The following MAP3K1 variants were observed in gnomAD, a reference collection of about 807,000 sequenced individuals.
MAP3K1 encodes MAP/ERK kinase kinase 1.
In MAP3K1, 36 loss-of-function variants were observed where a neutral mutation model predicts 144.2. That is an observed-to-expected ratio of 0.25 (90% confidence interval 0.19 to 0.33). The LOEUF (loss-of-function observed/expected upper bound fraction) is 0.33. Among genes scored for constraint, MAP3K1 ranks in the 10% least tolerant of loss-of-function variants. The pLI is 1.00. For missense variants in MAP3K1, 1,650 were observed against 1,881.9 expected (o/e 0.88, Z 2.28); for synonymous variants, 718 against 688.7 (o/e 1.04, Z -0.67).
chr5:56,831,603 T>A (rs1042576972), intron 1 of MAP3K1, among the ~76,000 whole-genome samples: 1 of 152,264 alleles, frequency 6.6e-6, no homozygotes, highest in African/African-American at 2.4e-5. Context: ...ATATCCAGAA[T>A]CATTTCCTTT....
chr5:56,826,792 T>G (rs1215466838), intron 1 of MAP3K1, among the ~76,000 whole-genome samples: 1 of 152,228 alleles, frequency 6.6e-6, no homozygotes, highest in African/African-American at 2.4e-5. Flanking sequence ...GCATGTGTCT[T>G]CAGTCCTGCT....
At chr5:56,820,656 A>G in intron 1 of MAP3K1, 1 of 985,360 alleles carries the variant, frequency 1.0e-6, no homozygotes, top group Non-Finnish European at 1.2e-6. Flanking sequence ...AATATGGTTC[A>G]TTCATGGTAA....
intron 11 of MAP3K1, 24 bp from the exon 12 acceptor site, chr5:56,880,687 A>G: frequency 1.3e-6 from 2 of 1,529,178 alleles, no homozygotes; most frequent in Non-Finnish European, 1.8e-6. Context: ...TCCAGGATTG[A>G]TGTTGCTTTT....
At chr5:56,887,925 G>T in intron 18 of MAP3K1, 1 of 461,246 alleles carries the variant, frequency 2.2e-6, no homozygotes, top group Non-Finnish European at 3.9e-6. Flanking sequence ...TTCTTCTGTC[G>T]TGTTCATAAT....
At chr5:56,850,829 C>T (rs1346771849) in intron 1 of MAP3K1, among the ~76,000 whole-genome samples, 5 of 152,256 alleles carry the variant, frequency 3.3e-5, no homozygotes, top group African/African-American at 1.2e-4. Flanking sequence ...TCTGTGATGA[C>T]ACTCTGGCAG....
chr5:56,819,703 G>A (rs1167250392), intron 1 of MAP3K1, among the ~76,000 whole-genome samples: 2 of 152,194 alleles, frequency 1.3e-5, no homozygotes, highest in Non-Finnish European at 2.9e-5. Context: ...AAAAGTAGTA[G>A]TCTCTAGAGG....
intron 3 of MAP3K1, among the ~76,000 whole-genome samples, chr5:56,860,750 G>T (rs1188139879): frequency 1.3e-5 from 2 of 152,072 alleles, no homozygotes; most frequent in East Asian, 3.9e-4. Flanking sequence ...CTACTCGGGG[G>T]GCTGAGGCAG....
intron 1 of MAP3K1, among the ~76,000 whole-genome samples, chr5:56,834,452 A>G (rs1746587030): frequency 6.6e-6 from 1 of 152,210 alleles, no homozygotes; most frequent in Admixed American, 6.5e-5. Flanking sequence ...ATATGAGGAC[A>G]GCTTGTTGAA....
At chr5:56,844,192 T>TTG (rs1181670760) in intron 1 of MAP3K1, among the ~76,000 whole-genome samples, 1 of 134,782 alleles carries the variant, frequency 7.4e-6, no homozygotes, top group African/African-American at 2.8e-5. Context: ...GGTTTTTTTT[T>TTG]TTTTTTTTTT....
At chr5:56,818,073 C>G (rs1208691344) in intron 1 of MAP3K1, among the ~76,000 whole-genome samples, 1 of 152,048 alleles carries the variant, frequency 6.6e-6, no homozygotes, top group Non-Finnish European at 1.5e-5. Flanking sequence ...AGTCAGAATG[C>G]TGTTGGTTTA....
chr5:56,868,974 A>G (rs1321028323), intron 6 of MAP3K1, among the ~76,000 whole-genome samples: 1 of 152,156 alleles, frequency 6.6e-6, no homozygotes, highest in African/African-American at 2.4e-5. Flanking sequence ...ATATTGTATA[A>G]TTGCACTTAC....
Position 56,881,267 on chromosome 5 carries a change from A to C in MAP3K1, c.2364A>C (p.Glu788Asp), listed in dbSNP as rs762217866. The change falls in exon 13 of 20, where the codon GAA (glutamate) becomes GAC (aspartate). Residue 788 changes from glutamate (E) to aspartate (D), a missense_variant. This residue lies in a region of MAP3K1 where 841 missense variants were observed against 886.5 expected (regional missense o/e 0.95). Coordinates refer to ENST00000399503, the MANE Select transcript of MAP3K1 (RefSeq NM_005921.2). ...STDVSQAEPV[E>D]IRYKKLLSLL... Reference sequence around the variant, plus strand: ...ATGTTTCACAAGCTGAGCCTGTTGAAATCAGGTAATTTTTCTTCTGAAAAT... The same window carrying C: ...ATGTTTCACAAGCTGAGCCTGTTGACATCAGGTAATTTTTCTTCTGAAAAT... 3.1e-6 allele frequency: 5 copies of C among 1,612,626 alleles called. No individual in the cohort carries two copies. The East Asian group carries it at 1.1e-4, about 36-fold the overall frequency.
Position 56,815,925 on chromosome 5 carries a change from A to G in MAP3K1, c.352A>G (p.Ser118Gly), listed in dbSNP as rs533517764. Residue 118 changes from serine (S) to glycine (G), a missense_variant, in exon 1 of 20, where the codon AGC (serine) becomes GGC (glycine). Ser to Gly is a moderately conservative substitution (Grantham distance 56). Around this residue, in one of 6 missense-constraint regions of MAP3K1, gnomAD observed 360 missense variants for 274.7 expected, o/e 1.31. Transcript: ENST00000399503. ...GGTGCCGCCGCCCCACGGAGCCGCG[A>G]GCCGCGGCGGCGCCCACCTTACCGA... ...VAVPPPHGAASRGGAHLTESV... is the reference protein window; with the variant it reads ...VAVPPPHGAAGRGGAHLTESV... 7.9e-7 allele frequency: 1 copy of G among 1,260,968 alleles called. No individual in the cohort carries two copies. The highest frequency in any genetic ancestry group is 9.9e-7 in the Non-Finnish European group (1 of 1,005,810). The allele number at this position is 1,260,968 out of a possible 1,614,324, so 78.1% of individuals were successfully genotyped here.
chr5:56,850,839 GT>G (rs1405173221), intron 1 of MAP3K1, among the ~76,000 whole-genome samples: 3 of 152,244 alleles, frequency 2.0e-5, no homozygotes, highest in African/African-American at 7.2e-5. Context: ...CACTCTGGCA[GT>G]TATTTCTCCA....
chr5:56,857,047 A>C (rs531597826), intron 2 of MAP3K1, among the ~76,000 whole-genome samples: 61 of 152,282 alleles, frequency 4.0e-4, no homozygotes, highest in African/African-American at 1.4e-3. Flanking sequence ...TGTACTTGTA[A>C]ATTTTAAAAA....
rs1196032304 is a variant in MAP3K1, at chr5:56,881,826, A to G, written c.2626A>G (p.Thr876Ala). Residue 876 changes from threonine (T) to alanine (A), a missense_variant, in exon 14 of 20, where the codon ACT becomes GCT. Thr to Ala is a moderately conservative substitution (Grantham distance 58). This residue lies in a region of MAP3K1 where 841 missense variants were observed against 886.5 expected (regional missense o/e 0.95). Coordinates refer to ENST00000399503, the MANE Select transcript of MAP3K1 (RefSeq NM_005921.2). ...AEAIQLGVED[T>A]LDGQQDSFLQ... is the part of the protein sequence containing the mutation. ...AGCCATCCAGTTGGGCGTAGAAGAC[A>G]CTTTGGATGGTCAACAGGACAGCTT... 1 of 1,614,132 alleles carries G rather than the reference A, an allele frequency of 6.2e-7. No individual in the cohort carries two copies. The highest frequency in any genetic ancestry group is 8.5e-7 in the Non-Finnish European group (1 of 1,180,016).
At chr5:56,861,329 T>C (rs1451003786) in intron 3 of MAP3K1, among the ~76,000 whole-genome samples, 1 of 152,108 alleles carries the variant, frequency 6.6e-6, no homozygotes, top group Non-Finnish European at 1.5e-5. Flanking sequence ...CCTAGCACTT[T>C]GGGAGGCCAA....
intron 1 of MAP3K1, among the ~76,000 whole-genome samples, chr5:56,845,664 TCTTA>T (rs778646093): frequency 2.0e-5 from 3 of 152,236 alleles, no homozygotes; most frequent in South Asian, 2.1e-4. Context: ...AAAACATCCT[TCTTA>T]CTTACTGATC....
chr5:56,887,677 AT>A, intron 18 of MAP3K1, 157 bp downstream of exon 18: 1 of 781,764 alleles, frequency 1.3e-6, no homozygotes, highest in Admixed American at 2.0e-5. Flanking sequence ...TCAGACCCTT[AT>A]TCTCGACCTT....
Sources: gnomAD v4.1 joint callset for allele counts (sites outside exome capture counted in the v4.1 genomes callset) on GRCh38, gnomAD v4.1.1 for gene constraint, gnomAD v4.1.1 regional missense constraint, MANE v1.5 for transcripts, NCBI Gene and HGNC (gene_info 2026-07-23, HGNC 2026-07-21) for gene names.